LYSMD2: variants seen among roughly 807,000 people sequenced by gnomAD.
The protein encoded by LYSMD2 is lysM and putative peptidoglycan-binding domain-containing protein 2.
A neutral mutation model predicts 17.7 loss-of-function variants in LYSMD2; 6 were observed. The ratio of observed to expected loss-of-function variants is 0.34; its 90% CI spans 0.19 to 0.67. LYSMD2 has a LOEUF of 0.67. Ranked by LOEUF, LYSMD2 falls within the 30% of genes least tolerant of loss-of-function variation. LYSMD2 has a pLI of 0.69. For synonymous variants in LYSMD2, 102 were observed against 129.8 expected, an observed-to-expected ratio of 0.79 and a Z score of 1.45; for missense variants, 237 against 286.7, an observed-to-expected ratio of 0.83 and a Z score of 1.25.
chr15:51,731,309 C>T (rs957910039), intron 1 of LYSMD2, among the ~76,000 whole-genome samples: 5 of 152,204 alleles, frequency 3.3e-5, no homozygotes, highest in African/African-American at 1.2e-4. Flanking sequence ...CTTTGCCATA[C>T]CTCTCACTTT....
upstream of LYSMD2, among the ~76,000 whole-genome samples, chr15:51,741,110 A>T (rs917363905): frequency 4.6e-5 from 7 of 152,232 alleles, no homozygotes; most frequent in Non-Finnish European, 2.9e-5. Context: ...ATTAGGAAGG[A>T]GGCTTACCCT....
chr15:51,731,595 C>T (rs1043848195), intron 1 of LYSMD2, among the ~76,000 whole-genome samples: 1 of 152,172 alleles, frequency 6.6e-6, no homozygotes, highest in African/African-American at 2.4e-5. Flanking sequence ...ACTGAGGGTA[C>T]TGCGGGGTGA....
At chr15:51,737,821 G>C, upstream of LYSMD2, 2 of 343,984 alleles carry the variant, frequency 5.8e-6, no homozygotes, top group East Asian at 4.7e-5. This position sits in a 1 kb window ranked among gnomAD's most constrained non-coding sequence, Gnocchi z 4.2. Flanking sequence ...CCTGCCCCGG[G>C]CGCCCGCGGC....
chr15:51,735,173 CA>C (rs11316003), intron 1 of LYSMD2, among the ~76,000 whole-genome samples: 11,053 of 131,684 alleles, frequency 0.084, 456 homozygotes, highest in East Asian at 0.18. Flanking sequence ...GACCCTGTCT[CA>C]AAAAAAAAAA....
chr15:51,747,892 C>G (rs998421478), intron 1 of LYSMD2, among the ~76,000 whole-genome samples: 1 of 152,152 alleles, frequency 6.6e-6, no homozygotes, highest in African/African-American at 2.4e-5. Context: ...TATCATCCAC[C>G]ATATCCTTTG....
At chr15:51,723,725 A>AT in intron 2 of LYSMD2, 76 bp from the exon 3 acceptor site, 2 of 1,065,034 alleles carry the variant, frequency 1.9e-6, no homozygotes, top group South Asian at 3.2e-5. Flanking sequence ...CTTATTATAC[A>AT]ATATCCACTT....
rs574149272 is a variant in LYSMD2 at position 51,750,043 on chromosome 15, T to G, written c.-1+1228A>C. Among the ~76,000 whole-genome samples, 204 of 152,258 alleles carry G rather than the reference T, an allele frequency of 1.3e-3. 3 individuals are homozygous for G. Among genetic ancestry groups the G allele is most frequent in the Non-Finnish European group, 1.5e-3 (103 of 68,042 alleles). On this transcript the variant is annotated intron_variant, in intron 1 of 2. Transcript: ENST00000454181. ...GTTTTAGAGGATTAACTTTACTTTCTGGTTCAACCCATCTGCTGGGGAAGG... is the reference window on the plus strand; with the variant it reads ...GTTTTAGAGGATTAACTTTACTTTCGGGTTCAACCCATCTGCTGGGGAAGG...
At chr15:51,731,503 G>A (rs1441369300) in intron 1 of LYSMD2, among the ~76,000 whole-genome samples, 10 of 152,090 alleles carry the variant, frequency 6.6e-5, no homozygotes, top group East Asian at 1.9e-4. Context: ...TTTCGTTAGC[G>A]GAAATGTTAA....
chr15:51,731,429 T>G (rs543788529), intron 1 of LYSMD2, among the ~76,000 whole-genome samples: 2 of 152,254 alleles, frequency 1.3e-5, no homozygotes, highest in African/African-American at 2.4e-5. Flanking sequence ...CACCTGAGTT[T>G]CTAAATCACA....
At chr15:51,740,886 A>T (rs1696746984), upstream of LYSMD2, among the ~76,000 whole-genome samples, 1 of 152,240 alleles carries the variant, frequency 6.6e-6, no homozygotes. Context: ...TTTGAAGTAC[A>T]TAAAAGAAAT....
upstream of LYSMD2, chr15:51,738,182 T>C (rs1247485091): frequency 8.6e-6 from 1 of 115,828 alleles, no homozygotes; most frequent in African/African-American, 3.4e-5. Context: ...ACAGTAAAAC[T>C]TAAGATCATC....
intron 1 of LYSMD2, among the ~76,000 whole-genome samples, chr15:51,735,778 G>A (rs114826053): frequency 0.049 from 7,388 of 152,310 alleles, 587 homozygotes; most frequent in African/African-American, 0.17. Flanking sequence ...ATCAACTCAA[G>A]TGAAACCACA....
chr15:51,747,994 C>T (rs867306169), intron 1 of LYSMD2, among the ~76,000 whole-genome samples: 8 of 151,964 alleles, frequency 5.3e-5, no homozygotes, highest in Admixed American at 2.6e-4. Flanking sequence ...TGAAGAAGGC[C>T]GGGCCCGGTG....
chr15:51,735,011 C>CA (rs1386331854), intron 1 of LYSMD2, among the ~76,000 whole-genome samples: 7 of 151,888 alleles, frequency 4.6e-5, no homozygotes, highest in Non-Finnish European at 1.0e-4. Context: ...CCCATTTCTA[C>CA]AAAAAATACA....
chr15:51,731,008 T>C (rs1293892966), intron 1 of LYSMD2, among the ~76,000 whole-genome samples: 2 of 152,228 alleles, frequency 1.3e-5, no homozygotes, highest in African/African-American at 4.8e-5. Context: ...AGATTCTATT[T>C]ATGGCAAATG....
chr15:51,739,139 A>G (rs2055630968), upstream of LYSMD2, among the ~76,000 whole-genome samples: 1 of 152,036 alleles, frequency 6.6e-6, no homozygotes. Flanking sequence ...CACCTGCCCA[A>G]CTGTTACTGT....
At chr15:51,738,554 A>T (rs1342200907), upstream of LYSMD2, among the ~76,000 whole-genome samples, 1 of 151,792 alleles carries the variant, frequency 6.6e-6, no homozygotes, top group Non-Finnish European at 1.5e-5. Context: ...AACACCGTCT[A>T]CTCTTGAACA....
At chr15:51,732,707 T>C (rs1255387304) in intron 1 of LYSMD2, among the ~76,000 whole-genome samples, 3 of 152,150 alleles carry the variant, frequency 2.0e-5, no homozygotes, top group African/African-American at 7.2e-5. Context: ...GGCCCATCTC[T>C]AGGGGAGAGA....
At chr15:51,728,396 AACACACACACACACAC>A (rs61106396) in intron 1 of LYSMD2, among the ~76,000 whole-genome samples, 3 of 144,942 alleles carry the variant, frequency 2.1e-5, no homozygotes, top group East Asian at 2.1e-4. Context: ...TCCAGGAGAA[AACACACACACACACAC>A]ACACACACAC....
Sources: gnomAD v4.1 joint callset for allele counts (sites outside exome capture counted in the v4.1 genomes callset) on GRCh38, gnomAD v4.1.1 for gene constraint, Gnocchi (gnomAD v3.1) non-coding constraint, MANE v1.5 for transcripts, NCBI Gene and HGNC (gene_info 2026-07-23, HGNC 2026-07-21) for gene names.